Variants in CDH13 observed in about 807,000 individuals in gnomAD.
CDH13 encodes the protein cadherin-13.
CDH13 carries 24 observed loss-of-function variants against 63.8 expected under a neutral mutation model. The ratio of observed to expected loss-of-function variants is 0.38; its 90% CI spans 0.27 to 0.53. The LOEUF is 0.53. CDH13 is among the 20% of genes least tolerant of loss of function. CDH13 has a pLI of 0.85. For missense variants in CDH13, 1,049 were observed against 903.1 expected, an observed-to-expected ratio of 1.16 and a Z score of -2.07; for synonymous variants, 503 against 355.3, an observed-to-expected ratio of 1.42 and a Z score of -4.67.
intron 5 of CDH13, among the ~76,000 whole-genome samples, chr16:83,325,206 T>A (rs1200217242): frequency 1.3e-5 from 2 of 152,350 alleles, no homozygotes; most frequent in East Asian, 3.9e-4. Context: ...CTTAAGACTA[T>A]TTTTTAATTA....
intron 11 of CDH13, among the ~76,000 whole-genome samples, chr16:83,763,304 A>G (rs1469033721): frequency 6.6e-6 from 1 of 152,220 alleles, no homozygotes; most frequent in African/African-American, 2.4e-5. Context: ...GCTAAGATAT[A>G]TCATGTCCCA....
intron 1 of CDH13, among the ~76,000 whole-genome samples, chr16:82,641,966 G>T (rs1020753691): frequency 6.6e-6 from 1 of 152,036 alleles, no homozygotes; most frequent in Non-Finnish European, 1.5e-5. Flanking sequence ...GCTTGCCTTC[G>T]CTGTTGGCTG....
At chr16:83,016,025 A>G (rs907058791) in intron 2 of CDH13, among the ~76,000 whole-genome samples, 2 of 152,086 alleles carry the variant, frequency 1.3e-5, no homozygotes, top group Non-Finnish European at 2.9e-5. Flanking sequence ...GAGAAATCAC[A>G]GAAAAATGAG....
chr16:83,196,961 C>G (rs562929727), intron 4 of CDH13, among the ~76,000 whole-genome samples: 3 of 152,262 alleles, frequency 2.0e-5, no homozygotes, highest in African/African-American at 7.2e-5. Context: ...GAAATAAAAA[C>G]TTATGTTCAC....
chr16:82,939,156 G>A (rs2042755410), intron 2 of CDH13, among the ~76,000 whole-genome samples: 1 of 152,182 alleles, frequency 6.6e-6, no homozygotes, highest in African/African-American at 2.4e-5. Flanking sequence ...GGGTGCAGTG[G>A]CTCACGCCTG....
chr16:83,128,860 A>T (rs1274830537), intron 4 of CDH13, among the ~76,000 whole-genome samples: 1 of 152,184 alleles, frequency 6.6e-6, no homozygotes, highest in Non-Finnish European at 1.5e-5. Flanking sequence ...CTTGTTCTCA[A>T]CTTAGATTCT....
intron 5 of CDH13, among the ~76,000 whole-genome samples, chr16:83,301,896 T>A (rs1183681463): frequency 5.3e-5 from 8 of 152,200 alleles, no homozygotes. Context: ...GTTCTTGTTT[T>A]CTGGCAGATA....
chr16:83,178,319 A>G (rs1360162174), intron 4 of CDH13, among the ~76,000 whole-genome samples: 1 of 152,170 alleles, frequency 6.6e-6, no homozygotes, highest in Non-Finnish European at 1.5e-5. Context: ...AAATGTCTCC[A>G]GAAAAATGTT....
chr16:83,649,141 A>G (rs1912122758), intron 8 of CDH13, among the ~76,000 whole-genome samples: 1 of 152,222 alleles, frequency 6.6e-6, no homozygotes, highest in Non-Finnish European at 1.5e-5. Context: ...CAGGTGTGGC[A>G]GTGAGGTTAA....
chr16:83,270,057 G>A (rs541118881), intron 5 of CDH13, among the ~76,000 whole-genome samples: 5 of 152,072 alleles, frequency 3.3e-5, no homozygotes, highest in Non-Finnish European at 7.4e-5. Context: ...AAATGTAACT[G>A]GTTTCTCTTT....
chr16:82,781,540 C>A (rs958872401), intron 1 of CDH13, among the ~76,000 whole-genome samples: 1 of 152,056 alleles, frequency 6.6e-6, no homozygotes, highest in African/African-American at 2.4e-5. Context: ...TATCCATCCA[C>A]CCAGCTATTT....
intron 2 of CDH13, among the ~76,000 whole-genome samples, chr16:82,881,507 G>T (rs1352233072): frequency 6.6e-6 from 1 of 152,176 alleles, no homozygotes; most frequent in Non-Finnish European, 1.5e-5. Flanking sequence ...TTGGATGTGG[G>T]CTGTGGGAAG....
At chr16:83,030,045 A>G (rs181720675) in intron 2 of CDH13, among the ~76,000 whole-genome samples, 6 of 152,288 alleles carry the variant, frequency 3.9e-5, no homozygotes, top group Admixed American at 3.9e-4. Context: ...ATGCAGAATC[A>G]CCATTGAGGG....
At chr16:82,904,687 A>G (rs1185675355) in intron 2 of CDH13, among the ~76,000 whole-genome samples, 2 of 152,126 alleles carry the variant, frequency 1.3e-5, no homozygotes, top group Non-Finnish European at 2.9e-5. Context: ...GTTCTATGTC[A>G]TTGCAGCCTC....
chr16:83,457,152 T>G (rs1160810538), intron 6 of CDH13, among the ~76,000 whole-genome samples: 1 of 152,184 alleles, frequency 6.6e-6, no homozygotes, highest in East Asian at 1.9e-4. Context: ...GTCCCTGGTA[T>G]GACCTTGGCG....
intron 6 of CDH13, among the ~76,000 whole-genome samples, chr16:83,363,233 G>A (rs1197710084): frequency 6.6e-6 from 1 of 152,184 alleles, no homozygotes; most frequent in East Asian, 1.9e-4. Context: ...CTGGGAGATG[G>A]GTGGCTGCTT....
At chr16:83,376,944 G>GC (rs1447897528) in intron 6 of CDH13, among the ~76,000 whole-genome samples, 2 of 152,164 alleles carry the variant, frequency 1.3e-5, no homozygotes, top group Non-Finnish European at 2.9e-5. Context: ...CCTGGAGACT[G>GC]CCCTGTGTGG....
intron 2 of CDH13, among the ~76,000 whole-genome samples, chr16:82,986,203 A>G (rs1406226090): frequency 1.3e-5 from 2 of 152,204 alleles, no homozygotes; most frequent in Non-Finnish European, 2.9e-5. Flanking sequence ...GTAGAGATCA[A>G]TACTGTCCCT....
intron 7 of CDH13, among the ~76,000 whole-genome samples, chr16:83,582,622 G>A (rs748258025): frequency 6.6e-6 from 1 of 152,130 alleles, no homozygotes; most frequent in Non-Finnish European, 1.5e-5. Context: ...GAGTGGCCAG[G>A]TCTCTCAGGA....
Sources: gnomAD v4.1 joint callset for allele counts (sites outside exome capture counted in the v4.1 genomes callset) on GRCh38, gnomAD v4.1.1 for gene constraint, MANE v1.5 for transcripts, NCBI Gene and HGNC (gene_info 2026-07-23, HGNC 2026-07-21) for gene names.